Variants in PLXDC2 observed in about 807,000 individuals in gnomAD.
PLXDC2 encodes the protein plexin domain-containing protein 2.
In PLXDC2, 40 loss-of-function variants were observed where a neutral mutation model predicts 68.9. That is an observed-to-expected ratio of 0.58 (90% CI 0.45 to 0.76). The LOEUF is 0.76. Ranked by LOEUF, PLXDC2 falls within the 30% of genes least tolerant of loss-of-function variation. The probability of loss-of-function intolerance (pLI) is 0.00; values close to 1 mark genes in which losing one functional copy is unlikely to be tolerated. For synonymous variants in PLXDC2, 243 were observed against 234.2 expected (o/e 1.04, Z -0.34); for missense variants, 644 against 661.9 (o/e 0.97, Z 0.30).
At chr10:19,836,794 A>G (rs1836800729) in intron 1 of PLXDC2, among the ~76,000 whole-genome samples, 1 of 152,234 alleles carries the variant, frequency 6.6e-6, no homozygotes, top group Non-Finnish European at 1.5e-5. Flanking sequence ...TTCGCCAATA[A>G]GGAGATCGGG....
chr10:20,002,204 G>T (rs1357864204), intron 2 of PLXDC2, among the ~76,000 whole-genome samples: 3 of 151,508 alleles, frequency 2.0e-5, no homozygotes, highest in Non-Finnish European at 4.4e-5. Flanking sequence ...GGTGATGACA[G>T]TGAGCAGTGA....
chr10:19,928,108 T>G lies in PLXDC2; in HGVS notation c.113-73667T>G, dbSNP rs542311585. ...TGGCCTCCAGTTCCATCCAACTTGC[T>G]GCAAAAGACATTATTTCTATCCTTT... On this transcript the variant is annotated intron_variant, in intron 1 of 13. Transcript: ENST00000377252. 1.2e-4 allele frequency among the ~76,000 whole-genome samples: 18 copies of G among 152,354 alleles called. 1 individual carries two copies. The South Asian group carries it at 2.3e-3, about 19-fold the overall frequency.
intron 11 of PLXDC2, among the ~76,000 whole-genome samples, chr10:20,218,289 A>G (rs1835166613): frequency 6.6e-6 from 1 of 151,934 alleles, no homozygotes; most frequent in African/African-American, 2.4e-5. Flanking sequence ...TTACTTGTTT[A>G]TTGTTATAAG....
intron 9 of PLXDC2, among the ~76,000 whole-genome samples, chr10:20,189,479 A>T (rs1834731819): frequency 1.8e-5 from 2 of 111,212 alleles, no homozygotes; most frequent in African/African-American, 7.0e-5. Context: ...GGTAGGCCAT[A>T]TATATATATA....
At chr10:20,119,795 G>C (rs1010864147) in intron 4 of PLXDC2, among the ~76,000 whole-genome samples, 1 of 151,840 alleles carries the variant, frequency 6.6e-6, no homozygotes, top group Non-Finnish European at 1.5e-5. Context: ...GTGGTAAGGG[G>C]TGATATTGTG....
At chr10:20,177,430 A>G in intron 9 of PLXDC2, 21 bp downstream of exon 9, 1 of 1,179,006 alleles carries the variant, frequency 8.5e-7, no homozygotes, top group Non-Finnish European at 1.1e-6. Context: ...AATAATAAGA[A>G]TAATAATAAA....
rs191949898 is a variant in PLXDC2, at chr10:20,147,800, C to T, written c.681C>T (p.Val227=). The T allele has an allele frequency of 8.1e-5, 131 of 1,610,072 alleles. No homozygotes were observed. Among genetic ancestry groups the T allele is most frequent in the Non-Finnish European group, 1.1e-4 (128 of 1,176,636 alleles). ...RYFDNGTALV[V]QWDHVHLQDN... is the part of the protein sequence containing the mutation. ...GGTGTATAGGCACAGCACTTGTGGT[C>T]CAGTGGGACCATGTACATCTCCAGG... Residue 227 remains valine (V), a synonymous_variant, in exon 6 of 14, where the codon GTC becomes GTT. Transcript: ENST00000377252.
chr10:19,818,813 G>A (rs549379887), intron 1 of PLXDC2, among the ~76,000 whole-genome samples: 1 of 151,994 alleles, frequency 6.6e-6, no homozygotes, highest in East Asian at 1.9e-4. Flanking sequence ...CTTATTCACG[G>A]TATGAATAGA....
At chr10:20,203,662 T>C (rs1046728018) in intron 9 of PLXDC2, among the ~76,000 whole-genome samples, 3 of 151,904 alleles carry the variant, frequency 2.0e-5, no homozygotes, top group Non-Finnish European at 4.4e-5. Flanking sequence ...AGAATAAAAG[T>C]CCCTGATGTT....
intron 13 of PLXDC2, among the ~76,000 whole-genome samples, chr10:20,256,277 C>T (rs565406256): frequency 2.0e-5 from 3 of 151,970 alleles, no homozygotes; most frequent in South Asian, 2.1e-4. Flanking sequence ...GGATTACAGG[C>T]GCCCACCATG....
At position 20,213,262 on chromosome 10, in the gene PLXDC2, G is replaced by T. The variant is rs1835092923; in HGVS notation, c.1122+1533G>T. The stretch of plus-strand genomic sequence containing the variant: ...TATAAGGTAGAGATTCAGTTTCGTG[G>T]GGTTTTTTTTCTTGATGGATAGCCA... On this transcript the variant is annotated intron_variant, in intron 10 of 13. Transcript: ENST00000377252. Among the ~76,000 whole-genome samples the T allele has an allele frequency of 1.3e-5, 2 of 151,732 alleles. 1 individual carries two copies. Among genetic ancestry groups the T allele is most frequent in the African/African-American group, 4.8e-5 (2 of 41,336 alleles).
At chr10:20,101,795 C>CTT (rs78761647) in intron 4 of PLXDC2, among the ~76,000 whole-genome samples, 11,572 of 149,176 alleles carry the variant, frequency 0.078, 756 homozygotes, top group African/African-American at 0.18. Flanking sequence ...TTTTACCAAA[C>CTT]TTTTTTTTTT....
chr10:19,997,236 A>G (rs1434407765), intron 1 of PLXDC2, among the ~76,000 whole-genome samples: 1 of 152,238 alleles, frequency 6.6e-6, no homozygotes, highest in African/African-American at 2.4e-5. Flanking sequence ...CGACATACCT[A>G]AAGATATAAC....
At chr10:19,983,811 T>C (rs1834593070) in intron 1 of PLXDC2, among the ~76,000 whole-genome samples, 1 of 152,152 alleles carries the variant, frequency 6.6e-6, no homozygotes. Flanking sequence ...ACCTTGGACC[T>C]CCCGAGTCAG....
intron 1 of PLXDC2, among the ~76,000 whole-genome samples, chr10:19,900,530 G>A (rs2081132086): frequency 6.6e-6 from 1 of 152,094 alleles, no homozygotes; most frequent in Non-Finnish European, 1.5e-5. Flanking sequence ...AGTGGTCAAA[G>A]TTTTTATCAA....
intron 4 of PLXDC2, among the ~76,000 whole-genome samples, chr10:20,083,641 A>G (rs1833143304): frequency 6.6e-6 from 1 of 152,232 alleles, no homozygotes; most frequent in African/African-American, 2.4e-5. Flanking sequence ...AAAATTAACA[A>G]TATTTAAAAG....
At chr10:20,261,708 T>G (rs746080072) in intron 13 of PLXDC2, among the ~76,000 whole-genome samples, 25 of 151,666 alleles carry the variant, frequency 1.6e-4, no homozygotes, top group Admixed American at 8.5e-4. Context: ...TACAAAATTA[T>G]CCGGGGGTGG....
chr10:20,152,106 C>T (rs530462425), intron 6 of PLXDC2, among the ~76,000 whole-genome samples: 2 of 152,136 alleles, frequency 1.3e-5, no homozygotes, highest in East Asian at 3.9e-4. Flanking sequence ...TGTACATGAC[C>T]TCCAATCCTT....
intron 4 of PLXDC2, among the ~76,000 whole-genome samples, chr10:20,135,982 A>G (rs778172757): frequency 6.6e-6 from 1 of 152,206 alleles, no homozygotes; most frequent in Non-Finnish European, 1.5e-5. Flanking sequence ...ATATTTTAAT[A>G]TAAAAATCCC....
Sources: gnomAD v4.1 joint callset for allele counts (sites outside exome capture counted in the v4.1 genomes callset) on GRCh38, gnomAD v4.1.1 for gene constraint, MANE v1.5 for transcripts, NCBI Gene and HGNC (gene_info 2026-07-23, HGNC 2026-07-21) for gene names.